Variants in PTPN14 observed in about 807,000 individuals in gnomAD.
PTPN14 encodes the protein tyrosine-protein phosphatase non-receptor type 14.
PTPN14 carries 53 observed loss-of-function variants against 126.8 expected under a neutral mutation model. That is an observed-to-expected ratio of 0.42 (90% confidence interval 0.34 to 0.53). The LOEUF is 0.53. Among genes scored for constraint, PTPN14 ranks in the 20% least tolerant of loss-of-function variants. PTPN14 has a pLI of 0.08. For missense variants in PTPN14, 1,257 were observed against 1,552.9 expected, an observed-to-expected ratio of 0.81 and a Z score of 3.20; for synonymous variants, 630 against 599.3, an observed-to-expected ratio of 1.05 and a Z score of -0.75.
chr1:214,406,768 T>C (rs1305280616), intron 5 of PTPN14, among the ~76,000 whole-genome samples: 1 of 152,178 alleles, frequency 6.6e-6, no homozygotes, highest in Non-Finnish European at 1.5e-5. Context: ...CCTTTACTAC[T>C]TCATAGCACT....
intron 1 of PTPN14, among the ~76,000 whole-genome samples, chr1:214,498,568 TAA>T (rs1033672583): frequency 1.1e-4 from 17 of 152,158 alleles, no homozygotes; most frequent in Non-Finnish European, 2.5e-4. Flanking sequence ...GATTACTCAA[TAA>T]TATATGGAAA....
chr1:214,526,028 T>C (rs992779847), intron 1 of PTPN14, among the ~76,000 whole-genome samples: 5 of 150,788 alleles, frequency 3.3e-5, no homozygotes, highest in Non-Finnish European at 7.4e-5. Flanking sequence ...TGCAGTGGCA[T>C]GATTTCAGCT....
rs1245522897 is a variant in PTPN14, at chr1:214,509,302, A to G, written c.-155+41881T>C. Among the ~76,000 whole-genome samples the G allele has an allele frequency of 4.6e-5, 7 of 152,336 alleles. No homozygotes were observed. In the East Asian group the frequency reaches 1.3e-3, roughly 29 times the overall value. On this transcript the variant is annotated intron_variant, in intron 1 of 18. Coordinates refer to ENST00000366956, the MANE Select transcript of PTPN14 (RefSeq NM_005401.5). ...AACTTGCTGCAGCTTCTACATCAGCACTTGCTGCTTAAACTTGCACTTTCA... is the reference window on the plus strand; with the variant it reads ...AACTTGCTGCAGCTTCTACATCAGCGCTTGCTGCTTAAACTTGCACTTTCA...
intron 1 of PTPN14, chr1:214,532,809 G>C (rs543058492): frequency 2.3e-6 from 2 of 877,080 alleles, no homozygotes; most frequent in Admixed American, 1.7e-5. Context: ...AGGAGGAGCT[G>C]CTCTTCATGA....
chr1:214,440,320 C>T (rs1027483735), intron 3 of PTPN14, among the ~76,000 whole-genome samples: 2 of 152,164 alleles, frequency 1.3e-5, no homozygotes. Flanking sequence ...TGATATAAGG[C>T]AAAGGGCTCT....
intron 1 of PTPN14, among the ~76,000 whole-genome samples, chr1:214,517,853 G>A (rs577866119): frequency 3.9e-5 from 6 of 152,164 alleles, no homozygotes; most frequent in Non-Finnish European, 8.8e-5. Context: ...GCTAAGGTGG[G>A]AGTATCACTT....
At chr1:214,543,600 C>T (rs982735288) in intron 1 of PTPN14, among the ~76,000 whole-genome samples, 1 of 151,952 alleles carries the variant, frequency 6.6e-6, no homozygotes, top group African/African-American at 2.4e-5. Context: ...CTCAGGTCAG[C>T]ATTTCAGAAA....
chr1:214,356,659 A>G lies in PTPN14; in HGVS notation c.*1263T>C, dbSNP rs1657827905. Reference sequence around the variant, plus strand: ...AAGGAAAGAAGCACAGGGCTCTGCCAATGACAATTCTACCATCGTTCATCA... The same window carrying G: ...AAGGAAAGAAGCACAGGGCTCTGCCGATGACAATTCTACCATCGTTCATCA... On this transcript the variant is annotated 3_prime_UTR_variant, in exon 19 of 19. Coordinates refer to ENST00000366956, the MANE Select transcript of PTPN14 (RefSeq NM_005401.5). 6.6e-6 allele frequency: 1 copy of G among 152,228 alleles called. No individual in the cohort carries two copies. The highest frequency in any genetic ancestry group is 2.4e-5 in the African/African-American group (1 of 41,448). 9.4% of individuals were successfully genotyped at this position (152,228 alleles called of 1,614,324 possible).
At chr1:214,490,499 A>C (rs1472210178) in intron 1 of PTPN14, among the ~76,000 whole-genome samples, 3 of 152,118 alleles carry the variant, frequency 2.0e-5, no homozygotes, top group Non-Finnish European at 2.9e-5. Flanking sequence ...TGTATGCATA[A>C]ATGAGAATAC....
intron 3 of PTPN14, among the ~76,000 whole-genome samples, chr1:214,417,992 GGGCCCTTGCCAC>G (rs370252095): frequency 1.3e-5 from 2 of 152,336 alleles, no homozygotes; most frequent in East Asian, 3.9e-4. Flanking sequence ...AGGAGGAGCA[GGGCCCTTGCCAC>G]GGTTCCAAAT....
intron 1 of PTPN14, among the ~76,000 whole-genome samples, chr1:214,533,881 G>A (rs1345241627): frequency 1.3e-5 from 2 of 149,822 alleles, no homozygotes; most frequent in Non-Finnish European, 3.0e-5. Flanking sequence ...AAAAAAAAAA[G>A]TAGTATACTG....
intron 12 of PTPN14, among the ~76,000 whole-genome samples, chr1:214,386,392 G>A (rs538370068): frequency 6.6e-6 from 1 of 152,302 alleles, no homozygotes; most frequent in South Asian, 2.1e-4. Context: ...ACCAAGAAAG[G>A]GGCTGGAGAA....
At chr1:214,417,022 A>G (rs1194613927) in intron 3 of PTPN14, among the ~76,000 whole-genome samples, 2 of 147,404 alleles carry the variant, frequency 1.4e-5, no homozygotes, top group East Asian at 3.9e-4. Flanking sequence ...GGGAAAAGGA[A>G]AAAAAAAAAC....
At chr1:214,442,021 T>C (rs1294115772) in intron 3 of PTPN14, among the ~76,000 whole-genome samples, 1 of 152,174 alleles carries the variant, frequency 6.6e-6, no homozygotes, top group Non-Finnish European at 1.5e-5. Context: ...AGGATAAAAA[T>C]CAATACCTCT....
chr1:214,388,692 G>A (rs940852963), intron 11 of PTPN14, among the ~76,000 whole-genome samples: 3 of 152,184 alleles, frequency 2.0e-5, no homozygotes, highest in African/African-American at 7.2e-5. Flanking sequence ...ACAGGTGTGA[G>A]CTACCGTGCC....
In PTPN14 at chr1:214,357,728, C is replaced by T; in HGVS notation, c.*194G>A. Reference sequence around the variant, plus strand: ...TTATAATAATTCACAAAAGTTATTCCAAAGGGGAAAAAAATAAATTATCTC... The same window carrying T: ...TTATAATAATTCACAAAAGTTATTCTAAAGGGGAAAAAAATAAATTATCTC... On this transcript the variant is annotated 3_prime_UTR_variant, in exon 19 of 19. Transcript: ENST00000366956. 1 of 454,840 alleles carries T rather than the reference C, an allele frequency of 2.2e-6. No homozygotes were observed. Among genetic ancestry groups the T allele is most frequent in the Non-Finnish European group, 4.0e-6 (1 of 251,138 alleles). The allele number at this position is 454,840 out of a possible 1,614,324, so 28.2% of individuals were successfully genotyped here.
intron 1 of PTPN14, among the ~76,000 whole-genome samples, chr1:214,550,337 C>G (rs1656076268): frequency 1.3e-5 from 2 of 152,170 alleles, no homozygotes; most frequent in Non-Finnish European, 2.9e-5. Context: ...TCACAAAGAA[C>G]CTGCGACAGC....
At chr1:214,449,757 G>GT (rs1162505060) in intron 3 of PTPN14, among the ~76,000 whole-genome samples, 1 of 151,878 alleles carries the variant, frequency 6.6e-6, no homozygotes, top group Non-Finnish European at 1.5e-5. Flanking sequence ...TGAACACTAG[G>GT]TTTTTTGGAT....
At chr1:214,491,369 G>T (rs910373318) in intron 1 of PTPN14, among the ~76,000 whole-genome samples, 1 of 152,162 alleles carries the variant, frequency 6.6e-6, no homozygotes, top group South Asian at 2.1e-4. Context: ...TTCACTGGTC[G>T]ATAAAGCAGA....
Sources: gnomAD v4.1 joint callset for allele counts (sites outside exome capture counted in the v4.1 genomes callset) on GRCh38, gnomAD v4.1.1 for gene constraint, MANE v1.5 for transcripts, NCBI Gene and HGNC (gene_info 2026-07-23, HGNC 2026-07-21) for gene names.